The following DENND2A variants were observed in gnomAD, a reference collection of about 807,000 sequenced individuals.
The protein encoded by DENND2A is DENN domain containing 2A.
Under a neutral mutation model 105.3 loss-of-function variants are expected in DENND2A, and 53 were observed. The ratio of observed to expected loss-of-function variants is 0.50; its 90% CI spans 0.40 to 0.63. The LOEUF (loss-of-function observed/expected upper bound fraction) is 0.63. Among genes scored for constraint, DENND2A ranks in the 30% least tolerant of loss-of-function variants. The pLI is 0.00. For synonymous variants in DENND2A, 522 were observed against 508.4 expected, an observed-to-expected ratio of 1.03 and a Z score of -0.36; for missense variants, 1,138 against 1,279.6, an observed-to-expected ratio of 0.89 and a Z score of 1.69.
In DENND2A at chr7:140,527,281, C is replaced by G; in HGVS notation, c.2505+37G>C. ...CAGCGCCCCGCTCTGTTCTCCGCACCCTGCAGGGAGGGGGACAGGGCTGAG... is the reference window on the plus strand; with the variant it reads ...CAGCGCCCCGCTCTGTTCTCCGCACGCTGCAGGGAGGGGGACAGGGCTGAG... On this transcript the variant is annotated intron_variant, in intron 15 of 19. Transcript: ENST00000496613. The surrounding 1 kb of genome is among the most constrained non-coding windows in gnomAD (Gnocchi z 4.9). 6.5e-7 allele frequency: 1 copy of G among 1,532,910 alleles called. No homozygotes were observed. Among genetic ancestry groups the G allele is most frequent in the South Asian group, 1.2e-5 (1 of 81,452 alleles). 95.0% of individuals were successfully genotyped at this position (1,532,910 alleles called of 1,614,324 possible).
chr7:140,587,750 C>T lies in DENND2A; in HGVS notation c.1026G>A (p.Gln342=), dbSNP rs1470324504. The T allele has an allele frequency of 2.2e-5, 35 of 1,606,908 alleles. No homozygotes were observed. The Admixed American group carries it at 5.9e-4, about 27-fold the overall frequency. ...RKSYEFEDLL[Q]SSSESSRVDW... ...CCACCCTGCTGCTCTCAGAGGAAGA[C>T]TGCAGTAAATCTTCAAACTCATAGG... The change falls in exon 4 of 20, where the codon CAG becomes CAA. Residue 342 remains glutamine, a synonymous_variant. Coordinates refer to ENST00000496613, the MANE Select transcript of DENND2A (RefSeq NM_015689.5).
At chr7:140,539,842 T>C (rs1193974028) in intron 14 of DENND2A, among the ~76,000 whole-genome samples, 1 of 152,192 alleles carries the variant, frequency 6.6e-6, no homozygotes, top group Non-Finnish European at 1.5e-5. Flanking sequence ...CAGATTTCCA[T>C]CTCTTCAGGT....
chr7:140,635,458 T>C (rs933138482), intron 1 of DENND2A, among the ~76,000 whole-genome samples: 18 of 152,134 alleles, frequency 1.2e-4, no homozygotes, highest in African/African-American at 3.6e-4. Flanking sequence ...AGATCCGCAG[T>C]GTACGGAAGG....
chr7:140,525,621 C>T, intron 16 of DENND2A, 130 bp downstream of exon 16: 2 of 779,656 alleles, frequency 2.6e-6, no homozygotes, highest in East Asian at 3.1e-5. Flanking sequence ...CCAGCCCCGT[C>T]CTGGGGTCAC....
At position 140,595,410 on chromosome 7, in the gene DENND2A, T is replaced by C. The variant is rs139369295; in HGVS notation, c.995+5993A>G. Among the ~76,000 whole-genome samples, 14 of 152,178 alleles carry C rather than the reference T, an allele frequency of 9.2e-5. No individual in the cohort carries two copies. The East Asian group carries it at 2.5e-3, about 27-fold the overall frequency. On this transcript the variant is annotated intron_variant, in intron 3 of 19. Coordinates refer to ENST00000496613, the MANE Select transcript of DENND2A (RefSeq NM_015689.5). ...AAAAAAAAGCAGCTGTATTATTGAG[T>C]TAATTTTTAGTAAATTGTTTTGAAT...
At chr7:140,622,685 C>T (rs780527353) in intron 1 of DENND2A, among the ~76,000 whole-genome samples, 3 of 152,120 alleles carry the variant, frequency 2.0e-5, no homozygotes, top group Non-Finnish European at 2.9e-5. Context: ...CAGCCCCAAC[C>T]GTCCACCAAC....
At chr7:140,566,588 T>C (rs1797844114) in intron 9 of DENND2A, among the ~76,000 whole-genome samples, 1 of 151,310 alleles carries the variant, frequency 6.6e-6, no homozygotes, top group South Asian at 2.1e-4. Flanking sequence ...GGAAGAGATG[T>C]GGCTGGCTGG....
At chr7:140,615,629 C>T (rs1800056770) in intron 1 of DENND2A, among the ~76,000 whole-genome samples, 1 of 151,800 alleles carries the variant, frequency 6.6e-6, no homozygotes, top group East Asian at 1.9e-4. Flanking sequence ...TCTCAACCTT[C>T]CTGGTTCAAG....
chr7:140,569,590 G>T, intron 7 of DENND2A, 55 bp downstream of exon 7: 1 of 1,278,316 alleles, frequency 7.8e-7, no homozygotes, highest in Non-Finnish European at 1.1e-6. Flanking sequence ...GCCACTTCTG[G>T]AAAGAATCTC....
intron 5 of DENND2A, among the ~76,000 whole-genome samples, chr7:140,584,324 G>A (rs1000843613): frequency 2.0e-5 from 3 of 152,242 alleles, no homozygotes; most frequent in African/African-American, 7.2e-5. Flanking sequence ...GTCTATGACT[G>A]CCTCACACTA....
At position 140,575,453 on chromosome 7, in the gene DENND2A, C is replaced by T. The variant is rs568907191; in HGVS notation, c.1246-1445G>A. 2.5e-4 allele frequency among the ~76,000 whole-genome samples: 38 copies of T among 152,254 alleles called. 1 individual carries two copies. In the South Asian group the frequency reaches 7.9e-3, roughly 32 times the overall value. ...AAATTATGATGCATATAGCTTCAGA[C>T]CCCGCAATTCCACCTCTAGGAATTT... On this transcript the variant is annotated intron_variant, in intron 5 of 19. Coordinates refer to ENST00000496613, the MANE Select transcript of DENND2A (RefSeq NM_015689.5).
chr7:140,553,654 G>A (rs1336998493), intron 12 of DENND2A, among the ~76,000 whole-genome samples: 1 of 152,182 alleles, frequency 6.6e-6, no homozygotes, highest in Non-Finnish European at 1.5e-5. Context: ...GCCTTCCGCA[G>A]TGTTTGTGTC....
intron 13 of DENND2A, 172 bp from the exon 14 acceptor site, chr7:140,544,938 G>C: frequency 3.3e-6 from 3 of 917,550 alleles, no homozygotes; most frequent in African/African-American, 1.8e-5. Flanking sequence ...AAAGATGCCA[G>C]AAGACGGGGG....
At chr7:140,630,422 C>T (rs138339852) in intron 1 of DENND2A, among the ~76,000 whole-genome samples, 217 of 152,206 alleles carry the variant, frequency 1.4e-3, no homozygotes, top group African/African-American at 4.8e-3. Flanking sequence ...AATGCCTAAC[C>T]GAGACTTTGG....
chr7:140,581,358 C>G (rs1354179258), intron 5 of DENND2A, among the ~76,000 whole-genome samples: 1 of 152,248 alleles, frequency 6.6e-6, no homozygotes, highest in Non-Finnish European at 1.5e-5. Flanking sequence ...GCAGCAGCAT[C>G]TGCCCGCAGC....
intron 3 of DENND2A, among the ~76,000 whole-genome samples, chr7:140,592,060 T>C (rs182220283): frequency 0.03 from 4,057 of 134,376 alleles, 136 homozygotes; most frequent in African/African-American, 0.08. Context: ...TTTTTTTTGA[T>C]GGAGTTTCGC....
chr7:140,560,694 A>G (rs1261601754), intron 9 of DENND2A, among the ~76,000 whole-genome samples: 1 of 151,436 alleles, frequency 6.6e-6, no homozygotes, highest in Non-Finnish European at 1.5e-5. Context: ...CACTTTGGGA[A>G]GCTGAGGTGG....
At chr7:140,520,131 C>T (rs555461610) in intron 18 of DENND2A, among the ~76,000 whole-genome samples, 1 of 151,964 alleles carries the variant, frequency 6.6e-6, no homozygotes, top group Non-Finnish European at 1.5e-5. Flanking sequence ...TGGTGAAACC[C>T]TCTTTCTACT....
At chr7:140,530,238 C>A (rs80164834) in intron 14 of DENND2A, among the ~76,000 whole-genome samples, 2,220 of 152,162 alleles carry the variant, frequency 0.015, 59 homozygotes, top group African/African-American at 0.051. Context: ...ACAACAAAAT[C>A]ATCATTGTTG....
Sources: allele counts gnomAD v4.1 joint callset (sites outside exome capture counted in the v4.1 genomes callset), GRCh38; gene constraint gnomAD v4.1.1; non-coding constraint Gnocchi (gnomAD v3.1); transcripts MANE v1.5; gene names NCBI Gene and HGNC (gene_info 2026-07-23, HGNC 2026-07-21).